The following AKT3 variants were observed in gnomAD, a reference collection of about 807,000 sequenced individuals.
The protein encoded by AKT3 is RAC-gamma serine/threonine-protein kinase.
AKT3 carries 15 observed loss-of-function variants against 65.3 expected under a neutral mutation model. That is an observed-to-expected ratio of 0.23 (90% confidence interval 0.15 to 0.35). The LOEUF (loss-of-function observed/expected upper bound fraction) is 0.35. Ranked by LOEUF, AKT3 falls within the 10% of genes least tolerant of loss-of-function variation. The pLI is 1.00. For synonymous variants in AKT3, 206 were observed against 183.8 expected, an observed-to-expected ratio of 1.12 and a Z score of -0.98; for missense variants, 243 against 576.5, an observed-to-expected ratio of 0.42 and a Z score of 5.92.
At chr1:243,571,145 T>C (rs1332687157) in intron 9 of AKT3, among the ~76,000 whole-genome samples, 1 of 151,950 alleles carries the variant, frequency 6.6e-6, no homozygotes, top group Non-Finnish European at 1.5e-5. Context: ...CGTGAAACCC[T>C]GTCTCTACTA....
intron 3 of AKT3, among the ~76,000 whole-genome samples, chr1:243,686,539 G>C (rs1382593361): frequency 6.9e-6 from 1 of 144,566 alleles, no homozygotes; most frequent in African/African-American, 2.6e-5. Flanking sequence ...AAGGAGGAAT[G>C]ATTGCCAGTT....
intron 3 of AKT3, among the ~76,000 whole-genome samples, chr1:243,673,897 G>A (rs1439730335): frequency 6.6e-6 from 1 of 152,198 alleles, no homozygotes; most frequent in East Asian, 1.9e-4. Flanking sequence ...ACAGGCGTGA[G>A]CCACTGTGCC....
chr1:243,744,229 C>G (rs545558947), intron 2 of AKT3, among the ~76,000 whole-genome samples: 2 of 152,232 alleles, frequency 1.3e-5, no homozygotes, highest in South Asian at 4.1e-4. Flanking sequence ...TACTCAAAAG[C>G]AGGCAAAACT....
At chr1:243,713,110 G>A (rs1007747420) in intron 2 of AKT3, among the ~76,000 whole-genome samples, 1 of 152,192 alleles carries the variant, frequency 6.6e-6, no homozygotes, top group Admixed American at 6.5e-5. Flanking sequence ...AATCGATTCA[G>A]TTTAAAATAG....
intron 11 of AKT3, among the ~76,000 whole-genome samples, chr1:243,550,461 G>T (rs534782693): frequency 1.8e-4 from 27 of 151,844 alleles, no homozygotes; most frequent in Admixed American, 1.5e-3. Flanking sequence ...TCATGGAGTG[G>T]GCTGACAAAT....
chr1:243,828,667 ATACAG>A (rs1694320712), intron 2 of AKT3, among the ~76,000 whole-genome samples: 1 of 152,202 alleles, frequency 6.6e-6, no homozygotes, highest in African/African-American at 2.4e-5. Context: ...CATTGTAAAA[ATACAG>A]TACATTATAT....
chr1:243,672,095 G>A (rs1460019161), intron 3 of AKT3, among the ~76,000 whole-genome samples: 1 of 152,164 alleles, frequency 6.6e-6, no homozygotes, highest in African/African-American at 2.4e-5. Flanking sequence ...GCGGGAGAGG[G>A]CTCCAATGTG....
intron 12 of AKT3, among the ~76,000 whole-genome samples, chr1:243,528,234 G>C (rs1488180462): frequency 6.6e-6 from 1 of 151,770 alleles, no homozygotes; most frequent in African/African-American, 2.4e-5. Context: ...ACTCCCTTTT[G>C]GATCATTCCT....
chr1:243,491,365 G>A (rs1389014892), intron 13 of AKT3, among the ~76,000 whole-genome samples: 2 of 152,130 alleles, frequency 1.3e-5, no homozygotes, highest in Non-Finnish European at 2.9e-5. Flanking sequence ...GCCCATTCCT[G>A]TGCTATCTGA....
At chr1:243,599,291 G>C (rs915981433) in intron 8 of AKT3, among the ~76,000 whole-genome samples, 1 of 152,064 alleles carries the variant, frequency 6.6e-6, no homozygotes, top group Non-Finnish European at 1.5e-5. Context: ...CAAAGGAAAA[G>C]AGAACACTTA....
At position 243,637,701 on chromosome 1, in the gene AKT3, G is replaced by T; in HGVS notation, c.471C>A (p.Gly157=). 1 of 1,586,928 alleles carries T rather than the reference G, an allele frequency of 6.3e-7. No homozygotes were observed. The highest frequency in any genetic ancestry group is 8.6e-7 in the Non-Finnish European group (1 of 1,157,084). ...GAACCAAAATAACTTTCCCAAAAGT[G>T]CCTTTACCTAGTAGTTTCAAATAGT... is the stretch of plus-strand genomic sequence containing the variant. ...DFDYLKLLGK[G]TFGKVILVRE... Residue 157 remains glycine, a synonymous_variant, in exon 6 of 14, where the codon GGC becomes GGA. Coordinates refer to ENST00000673466, the MANE Select transcript of AKT3 (RefSeq NM_005465.7).
At chr1:243,756,796 G>C (rs1386687741) in intron 2 of AKT3, among the ~76,000 whole-genome samples, 2 of 152,136 alleles carry the variant, frequency 1.3e-5, no homozygotes, top group Admixed American at 6.5e-5. Flanking sequence ...GGACAAAAGA[G>C]TACCTCTACA....
chr1:243,615,070 A>G, intron 7 of AKT3, 26 bp downstream of exon 7: 3 of 1,473,406 alleles, frequency 2.0e-6, no homozygotes, highest in Non-Finnish European at 1.9e-6. Context: ...TGTTACGATT[A>G]TAACATCTGT....
intron 3 of AKT3, among the ~76,000 whole-genome samples, chr1:243,685,848 T>C (rs1684254350): frequency 6.6e-6 from 1 of 152,170 alleles, no homozygotes; most frequent in Non-Finnish European, 1.5e-5. Flanking sequence ...ATTGTATATT[T>C]AGAAAACCCC....
At chr1:243,727,737 A>AC (rs1160643172) in intron 2 of AKT3, among the ~76,000 whole-genome samples, 1 of 152,150 alleles carries the variant, frequency 6.6e-6, no homozygotes, top group African/African-American at 2.4e-5. Flanking sequence ...CAGAAAAGGA[A>AC]CCTCCATCCT....
chr1:243,507,878 T>C (rs1669769498), intron 13 of AKT3, among the ~76,000 whole-genome samples: 3 of 152,132 alleles, frequency 2.0e-5, no homozygotes, highest in African/African-American at 7.2e-5. Flanking sequence ...GATGACACAT[T>C]CCCAAATCTG....
intron 4 of AKT3, among the ~76,000 whole-genome samples, chr1:243,656,437 T>C (rs1420282091): frequency 1.3e-5 from 2 of 152,156 alleles, no homozygotes; most frequent in Non-Finnish European, 2.9e-5. Context: ...TGTGGGGAAG[T>C]ATAATAAAAT....
chr1:243,734,845 G>A (rs1687755657), intron 2 of AKT3: 1 of 152,134 alleles, frequency 6.6e-6, no homozygotes. Flanking sequence ...CTGTACAGCT[G>A]TACAAAAGTA....
At chr1:243,525,011 T>C (rs1281653847) in intron 12 of AKT3, among the ~76,000 whole-genome samples, 1 of 152,016 alleles carries the variant, frequency 6.6e-6, no homozygotes, top group Non-Finnish European at 1.5e-5. Flanking sequence ...CCATGAACAA[T>C]CAGAGGACAG....
Sources: allele counts gnomAD v4.1 joint callset (sites outside exome capture counted in the v4.1 genomes callset), GRCh38; gene constraint gnomAD v4.1.1; transcripts MANE v1.5; gene names NCBI Gene and HGNC (gene_info 2026-07-23, HGNC 2026-07-21).